Variants in CNTN4 observed in about 807,000 individuals in gnomAD.
CNTN4 encodes the protein contactin-4.
A neutral mutation model predicts 122.5 loss-of-function variants in CNTN4; 77 were observed. That is an observed-to-expected ratio of 0.63 (90% CI 0.52 to 0.76). CNTN4 has a LOEUF of 0.76. Among genes scored for constraint, CNTN4 ranks in the 30% least tolerant of loss-of-function variants. The pLI is 0.00. For synonymous variants in CNTN4, 512 were observed against 447.0 expected, an observed-to-expected ratio of 1.15 and a Z score of -1.83; for missense variants, 1,256 against 1,259.1, an observed-to-expected ratio of 1.00 and a Z score of 0.04.
At chr3:3,044,584 A>C (rs765327622) in intron 23 of CNTN4, among the ~76,000 whole-genome samples, 1 of 152,202 alleles carries the variant, frequency 6.6e-6, no homozygotes, top group African/African-American at 2.4e-5. Flanking sequence ...AAGAGGAAGA[A>C]AGCAGAAGCT....
intron 3 of CNTN4, among the ~76,000 whole-genome samples, chr3:2,408,813 A>C (rs1323852922): frequency 6.6e-6 from 1 of 152,198 alleles, no homozygotes; most frequent in African/African-American, 2.4e-5. Flanking sequence ...GCAAGAAGGG[A>C]TTCCAGATGC....
At chr3:2,108,183 T>C (rs66743683) in intron 2 of CNTN4, among the ~76,000 whole-genome samples, 257 of 137,798 alleles carry the variant, frequency 1.9e-3, no homozygotes, top group Middle Eastern at 7.7e-3. Context: ...TTTTTTTTTT[T>C]CATGACTGTT....
chr3:2,474,905 C>G (rs1032910428), intron 3 of CNTN4, among the ~76,000 whole-genome samples: 1 of 152,124 alleles, frequency 6.6e-6, no homozygotes, highest in African/African-American at 2.4e-5. Context: ...TCTGTGAAGA[C>G]AGTATCATTT....
At chr3:2,966,571 GTGACTATAATCAACAATAAT>G (rs1357745880) in intron 13 of CNTN4, among the ~76,000 whole-genome samples, 2 of 152,108 alleles carry the variant, frequency 1.3e-5, no homozygotes, top group African/African-American at 4.8e-5. Flanking sequence ...ACACAATGGG[GTGACTATAATCAACAATAAT>G]TTATTGTATA....
At chr3:3,005,816 C>G (rs1024986204) in intron 14 of CNTN4, among the ~76,000 whole-genome samples, 5 of 151,976 alleles carry the variant, frequency 3.3e-5, no homozygotes, top group African/African-American at 1.2e-4. Context: ...ATTAGAGTTT[C>G]AACATTGGAA....
intron 4 of CNTN4, among the ~76,000 whole-genome samples, chr3:2,628,374 A>G (rs2082290172): frequency 6.6e-6 from 1 of 152,080 alleles, no homozygotes; most frequent in South Asian, 2.1e-4. Context: ...GGAGTAGGAC[A>G]CCTTAAGGGA....
At chr3:2,483,816 T>C (rs558712682) in intron 3 of CNTN4, among the ~76,000 whole-genome samples, 2 of 152,298 alleles carry the variant, frequency 1.3e-5, no homozygotes, top group South Asian at 4.1e-4. Flanking sequence ...ACTTTTTTTC[T>C]TTATAAAATA....
At chr3:2,384,275 C>T (rs1429068437) in intron 3 of CNTN4, among the ~76,000 whole-genome samples, 1 of 152,092 alleles carries the variant, frequency 6.6e-6, no homozygotes, top group Non-Finnish European at 1.5e-5. Flanking sequence ...TGCTTAAGTT[C>T]ACTACTTCTG....
intron 4 of CNTN4, among the ~76,000 whole-genome samples, chr3:2,674,686 A>C (rs2084737610): frequency 6.6e-6 from 1 of 152,046 alleles, no homozygotes; most frequent in South Asian, 2.1e-4. Flanking sequence ...TGAACCCGGG[A>C]GGCGGAGGTT....
intron 4 of CNTN4, among the ~76,000 whole-genome samples, chr3:2,614,808 A>G (rs545038642): frequency 6.6e-6 from 1 of 152,216 alleles, no homozygotes; most frequent in East Asian, 1.9e-4. Context: ...CTGGAGTTCC[A>G]GGAAGAGACT....
intron 4 of CNTN4, among the ~76,000 whole-genome samples, chr3:2,636,270 A>G (rs1294292034): frequency 6.6e-6 from 1 of 152,086 alleles, no homozygotes; most frequent in Non-Finnish European, 1.5e-5. Flanking sequence ...TACTCTAAAA[A>G]CTTTACGTCA....
chr3:2,714,269 G>T (rs1394853961), intron 4 of CNTN4, among the ~76,000 whole-genome samples: 1 of 152,156 alleles, frequency 6.6e-6, no homozygotes, highest in Non-Finnish European at 1.5e-5. Context: ...CAGAGTGTAA[G>T]TAATGGTTCT....
chr3:2,927,367 A>G, intron 13 of CNTN4: 1 of 454,160 alleles, frequency 2.2e-6, no homozygotes, highest in Non-Finnish European at 4.4e-6. Flanking sequence ...GATGCTCTGG[A>G]CGTTGCCATT....
At chr3:2,586,251 C>G (rs2080198275) in intron 4 of CNTN4, among the ~76,000 whole-genome samples, 1 of 152,128 alleles carries the variant, frequency 6.6e-6, no homozygotes, top group African/African-American at 2.4e-5. Flanking sequence ...GTGCAACATT[C>G]TCCATTTTTG....
At chr3:2,939,498 A>G (rs6779663) in intron 13 of CNTN4, among the ~76,000 whole-genome samples, 107,629 of 152,042 alleles carry the variant, frequency 0.71, 38,683 homozygotes, top group Middle Eastern at 0.88. Context: ...ATCATGGAAC[A>G]GGAGTTAAAA....
chr3:2,506,288 G>A (rs543170735), intron 3 of CNTN4, among the ~76,000 whole-genome samples: 4 of 152,264 alleles, frequency 2.6e-5, no homozygotes, highest in East Asian at 1.9e-4. Flanking sequence ...GCGCCTACAC[G>A]CCCTGGAGCC....
At chr3:2,766,789 A>G (rs565608910) in intron 6 of CNTN4, among the ~76,000 whole-genome samples, 3 of 152,332 alleles carry the variant, frequency 2.0e-5, no homozygotes, top group Non-Finnish European at 4.4e-5. Context: ...AGCAGAGCAC[A>G]ACGAAATAAC....
chr3:2,284,517 A>T (rs771375287), intron 2 of CNTN4, among the ~76,000 whole-genome samples: 1 of 152,032 alleles, frequency 6.6e-6, no homozygotes, highest in African/African-American at 2.4e-5. Flanking sequence ...CAAACTTCTC[A>T]TGTTTGCTTG....
At chr3:2,227,195 A>T (rs1559359551) in intron 2 of CNTN4, among the ~76,000 whole-genome samples, 1 of 152,130 alleles carries the variant, frequency 6.6e-6, no homozygotes, top group African/African-American at 2.4e-5. Context: ...TACTTTGTGG[A>T]TTTGCAAACT....
Sources: allele counts gnomAD v4.1 joint callset (sites outside exome capture counted in the v4.1 genomes callset), GRCh38; gene constraint gnomAD v4.1.1; transcripts MANE v1.5; gene names NCBI Gene and HGNC (gene_info 2026-07-23, HGNC 2026-07-21).